TAF4B: variants seen among roughly 807,000 people sequenced by gnomAD.
The protein encoded by TAF4B is TATA-box binding protein associated factor 4b.
In TAF4B, 38 loss-of-function variants were observed where a neutral mutation model predicts 86.4. The ratio of observed to expected loss-of-function variants is 0.44; its 90% CI spans 0.34 to 0.58. TAF4B has a LOEUF of 0.58. TAF4B is among the 20% of genes least tolerant of loss of function. The pLI is 0.02. For missense variants in TAF4B, 988 were observed against 1,027.6 expected (o/e 0.96, Z 0.53); for synonymous variants, 388 against 391.2 (o/e 0.99, Z 0.10).
intron 11 of TAF4B, among the ~76,000 whole-genome samples, chr18:26,326,542 G>A (rs2057006457): frequency 6.6e-6 from 1 of 152,168 alleles, no homozygotes; most frequent in Admixed American, 6.5e-5. Flanking sequence ...GGTAACCAAG[G>A]TGATAACTTT....
At chr18:26,227,959 A>G (rs1442974341) in intron 1 of TAF4B, among the ~76,000 whole-genome samples, 2 of 152,246 alleles carry the variant, frequency 1.3e-5, no homozygotes, top group Non-Finnish European at 1.5e-5. Context: ...CTAACTTTCA[A>G]TTAGCAGAAC....
Position 26,358,519 on chromosome 18 carries a change from T to G in TAF4B, c.2421+725T>G, listed in dbSNP as rs982113829. On this transcript the variant is annotated intron_variant, in intron 14 of 14. Transcript: ENST00000269142. ...AGGTCAGGAGATCGAGACCATCCTG[T>G]TTAACACGGTGAAAACCTGTCTCTA... is the stretch of plus-strand genomic sequence containing the variant. Among the ~76,000 whole-genome samples, 56 of 152,168 alleles carry G rather than the reference T, an allele frequency of 3.7e-4. 1 individual carries two copies. The highest frequency in any genetic ancestry group is 1.6e-3 in the Admixed American group (25 of 15,286).
intron 11 of TAF4B, 91 bp from the exon 12 acceptor site, chr18:26,326,924 A>T: frequency 7.3e-7 from 1 of 1,370,998 alleles, no homozygotes; most frequent in African/African-American, 1.4e-5. Context: ...TTATGTTGGT[A>T]TTCCTGCCTT....
chr18:26,355,211 T>C (rs1393642914), intron 13 of TAF4B, among the ~76,000 whole-genome samples: 1 of 152,230 alleles, frequency 6.6e-6, no homozygotes, highest in Non-Finnish European at 1.5e-5. Context: ...GACTCACTTA[T>C]TGCATGTGTC....
At chr18:26,322,925 A>G (rs1389431782) in intron 11 of TAF4B, among the ~76,000 whole-genome samples, 1 of 151,682 alleles carries the variant, frequency 6.6e-6, no homozygotes, top group African/African-American at 2.4e-5. Flanking sequence ...AAGTTTTGGT[A>G]TGTTGTGTTG....
chr18:26,294,723 ATTATGCAGT>A (rs1225684504), intron 9 of TAF4B, among the ~76,000 whole-genome samples: 3 of 150,064 alleles, frequency 2.0e-5, no homozygotes, highest in Non-Finnish European at 4.4e-5. Context: ...ATATATAGAA[ATTATGCAGT>A]TAAAGTGGGG....
chr18:26,315,212 T>C lies in TAF4B; in HGVS notation c.1833-17T>C. The C allele has an allele frequency of 6.5e-7, 1 of 1,547,248 alleles. No individual in the cohort carries two copies. Among genetic ancestry groups the C allele is most frequent in the South Asian group, 1.2e-5 (1 of 86,664 alleles). On this transcript the variant is annotated splice_polypyrimidine_tract_variant and intron_variant, in intron 9 of 14. Transcript: ENST00000269142. ...ACACACAACCTAAAATGTATAACTT[T>C]TTTTTTTTTCTATTAGAGATGAGGA...
chr18:26,380,657 G>A (rs149384168), intron 14 of TAF4B, among the ~76,000 whole-genome samples: 4 of 152,034 alleles, frequency 2.6e-5, no homozygotes, highest in African/African-American at 9.6e-5. Context: ...TTAGTGCTTT[G>A]CCTGATACTA....
At chr18:26,325,596 T>C (rs1405050350) in intron 11 of TAF4B, among the ~76,000 whole-genome samples, 2 of 152,174 alleles carry the variant, frequency 1.3e-5, no homozygotes, top group Non-Finnish European at 2.9e-5. Context: ...GGAATATGAT[T>C]GGGCTAAAAT....
At position 26,350,452 on chromosome 18, in the gene TAF4B, A is replaced by C. The variant is rs541906814; in HGVS notation, c.2317-7238A>C. 2.0e-5 allele frequency among the ~76,000 whole-genome samples: 3 copies of C among 152,290 alleles called. No individual in the cohort carries two copies. The East Asian group carries it at 5.8e-4, about 29-fold the overall frequency. On this transcript the variant is annotated intron_variant, in intron 13 of 14. Transcript: ENST00000269142. ...TTGGGAAGGAAGATGTAGGAGGATC[A>C]CTTGGGGCCAGGAATTTGAGATCAG... is the stretch of plus-strand genomic sequence containing the variant.
intron 9 of TAF4B, among the ~76,000 whole-genome samples, chr18:26,298,422 C>T (rs565250706): frequency 5.3e-5 from 8 of 151,974 alleles, no homozygotes; most frequent in Non-Finnish European, 8.8e-5. Context: ...TTAGTAGAGA[C>T]GGGTTTTCAC....
chr18:26,325,883 T>TA (rs1445213734), intron 11 of TAF4B, among the ~76,000 whole-genome samples: 1 of 152,234 alleles, frequency 6.6e-6, no homozygotes, highest in African/African-American at 2.4e-5. Flanking sequence ...TTAAACTATG[T>TA]AATACTCTTT....
intron 14 of TAF4B, among the ~76,000 whole-genome samples, chr18:26,372,531 A>G (rs2144348683): frequency 6.6e-6 from 1 of 152,322 alleles, no homozygotes; most frequent in South Asian, 2.1e-4. Flanking sequence ...CAAGGTTTGC[A>G]TTACACTCTT....
chr18:26,350,783 C>T (rs2057238769), intron 13 of TAF4B, among the ~76,000 whole-genome samples: 1 of 152,102 alleles, frequency 6.6e-6, no homozygotes, highest in Non-Finnish European at 1.5e-5. Flanking sequence ...TGTTCTATGT[C>T]ACTAATCATC....
intron 1 of TAF4B, among the ~76,000 whole-genome samples, chr18:26,257,594 C>T (rs185124677): frequency 6.0e-4 from 91 of 152,012 alleles, no homozygotes; most frequent in African/African-American, 2.1e-3. Context: ...CTTTTGTTTC[C>T]TATATGTTTC....
At chr18:26,272,127 A>C (rs553514322) in intron 3 of TAF4B, among the ~76,000 whole-genome samples, 1 of 151,720 alleles carries the variant, frequency 6.6e-6, no homozygotes, top group Non-Finnish European at 1.5e-5. Flanking sequence ...CTGAGGCTCC[A>C]CCCCTCCTCC....
At chr18:26,346,839 G>GTGTATATATATA (rs2057195034) in intron 13 of TAF4B, among the ~76,000 whole-genome samples, 2 of 10,246 alleles carry the variant, frequency 2.0e-4, no homozygotes, top group Non-Finnish European at 5.0e-4. Flanking sequence ...ATATATATGT[G>GTGTATATATATA]TGTGTGTATA....
chr18:26,315,085 G>A (rs1327278351), intron 9 of TAF4B, 144 bp from the exon 10 acceptor site: 1 of 380,364 alleles, frequency 2.6e-6, no homozygotes. Context: ...TAATTCTTTT[G>A]CTCTCTGAAA....
At chr18:26,246,910 G>A (rs1325609046) in intron 1 of TAF4B, among the ~76,000 whole-genome samples, 1 of 150,516 alleles carries the variant, frequency 6.6e-6, no homozygotes, top group Admixed American at 6.6e-5. Context: ...GAGTGCAGTG[G>A]CATGATTTCG....
Sources: allele counts gnomAD v4.1 joint callset (sites outside exome capture counted in the v4.1 genomes callset), GRCh38; gene constraint gnomAD v4.1.1; transcripts MANE v1.5; gene names NCBI Gene and HGNC (gene_info 2026-07-23, HGNC 2026-07-21).